PEX26: variants seen among roughly 807,000 people sequenced by gnomAD.
PEX26 encodes the protein peroxisomal biogenesis factor 26, also known as peroxisome assembly protein 26.
Under a neutral mutation model 31.4 loss-of-function variants are expected in PEX26, and 18 were observed. That is an observed-to-expected ratio of 0.57 (90% CI 0.40 to 0.85). The LOEUF (loss-of-function observed/expected upper bound fraction) is 0.85. PEX26 is among the 40% of genes least tolerant of loss of function. The pLI, the probability that PEX26 is intolerant of heterozygous loss-of-function variation, is 0.00. For missense variants in PEX26, 377 were observed against 383.9 expected (o/e 0.98, Z 0.15); for synonymous variants, 176 against 166.9 (o/e 1.05, Z -0.42).
rs1927445961 is a variant in PEX26, at chr22:18,101,355, T to G, written c.*13280T>G. The G allele has an allele frequency of 6.6e-6, 1 of 151,852 alleles. No homozygotes were observed. The highest frequency in any genetic ancestry group is 2.4e-5 in the African/African-American group (1 of 41,328). The allele number at this position is 151,852 out of a possible 1,614,324, so 9.4% of individuals were successfully genotyped here. ...GTAACATCCTAGATAATAGTCCCAG[T>G]CAAAAACCCCATTGAGGTTGAAGGA... is the stretch of plus-strand genomic sequence containing the variant. On this transcript the variant is annotated 3_prime_UTR_variant, in exon 5 of 5. Transcript: ENST00000399744.
Position 18,078,268 on chromosome 22 carries a change from G to A in PEX26, c.-109G>A. The A allele has an allele frequency of 1.2e-6, 1 of 815,128 alleles. No individual in the cohort carries two copies. 50.5% of individuals were successfully genotyped at this position (815,128 alleles called of 1,614,324 possible). On this transcript the variant is annotated 5_prime_UTR_variant, in exon 1 of 5. Coordinates refer to ENST00000399744, the MANE Select transcript of PEX26 (RefSeq NM_001127649.3). ...GACCTCGGGAAGGGGTGTGGGCAAA[G>A]AGATGAGGACTCTCCCTCTTCGCCC... is the stretch of plus-strand genomic sequence containing the variant.
At chr22:18,084,237 C>CTTTTTTTTTTTTTTTTTT (rs362041) in intron 3 of PEX26, among the ~76,000 whole-genome samples, 2 of 95,320 alleles carry the variant, frequency 2.1e-5, no homozygotes, top group African/African-American at 3.9e-5. Context: ...ATCTCTCTCT[C>CTTTTTTTTTTTTTTTTTT]TTTTTTTTTT....
Position 18,088,159 on chromosome 22 carries a change from C to G in PEX26, c.*84C>G. 2.1e-6 allele frequency: 2 copies of G among 947,544 alleles called. No homozygotes were observed. Among genetic ancestry groups the G allele is most frequent in the Non-Finnish European group, 3.4e-6 (2 of 581,342 alleles). 58.7% of individuals were successfully genotyped at this position (947,544 alleles called of 1,614,324 possible). ...GACAGAGCGACACATCCACAGGCGCCCCTGGGGAAATGGGACCAGCCTAAT... is the reference window on the plus strand; with the variant it reads ...GACAGAGCGACACATCCACAGGCGCGCCTGGGGAAATGGGACCAGCCTAAT... On this transcript the variant is annotated 3_prime_UTR_variant, in exon 5 of 5. Coordinates refer to ENST00000399744, the MANE Select transcript of PEX26 (RefSeq NM_001127649.3). This position sits in a 1 kb window ranked among gnomAD's most constrained non-coding sequence, Gnocchi z 4.1.
At chr22:18,085,060 G>A (rs1296920410) in intron 3 of PEX26, 52 bp from the exon 4 acceptor site, 3 of 1,606,824 alleles carry the variant, frequency 1.9e-6, no homozygotes, top group Non-Finnish European at 1.7e-6. Flanking sequence ...TCGGGGTCAG[G>A]GAAGCTGATT....
In PEX26 at chr22:18,089,406, T is replaced by C. The variant is rs1926984579; in HGVS notation, c.*1331T>C. On this transcript the variant is annotated 3_prime_UTR_variant, in exon 5 of 5. Transcript: ENST00000399744. ...TTTGAAGGCAGTGAACAATAAAACC[T>C]TAGGGAGGTGGCACCGAGGCCTTAG... 6.5e-6 allele frequency: 1 copy of C among 152,680 alleles called. No homozygotes were observed. The highest frequency in any genetic ancestry group is 1.5e-5 in the Non-Finnish European group (1 of 68,090). 9.5% of individuals were successfully genotyped at this position (152,680 alleles called of 1,614,324 possible).
intron 2 of PEX26, among the ~76,000 whole-genome samples, chr22:18,082,994 G>A (rs963941416): frequency 6.6e-6 from 1 of 152,058 alleles, no homozygotes; most frequent in Non-Finnish European, 1.5e-5. Flanking sequence ...TTTTCCAATG[G>A]TTCACTGTCA....
At chr22:18,081,243 TATACAC>T (rs1421050974) in intron 2 of PEX26, among the ~76,000 whole-genome samples, 2,822 of 62,444 alleles carry the variant, frequency 0.045, 95 homozygotes, top group African/African-American at 0.12. Flanking sequence ...TATGTACACA[TATACAC>T]ACACACACAC....
Position 18,083,615 on chromosome 22 carries a change from T to C in PEX26, c.550T>C (p.Ser184Pro). Residue 184 changes from serine to proline, a missense_variant, in exon 3 of 5, where the codon TCT becomes CCT. By Grantham distance (74) the Ser-to-Pro change is moderately conservative. Transcript: ENST00000399744. ...LSEAEELVVG[S>P]AAFGEERRLD... ...GGAGGCTGAGGAGCTAGTGGTGGGC[T>C]CTGCAGCCTTTGGTGAGGAGCGGCG... 1 of 1,614,064 alleles carries C rather than the reference T, an allele frequency of 6.2e-7. No individual in the cohort carries two copies. The highest frequency in any genetic ancestry group is 8.5e-7 in the Non-Finnish European group (1 of 1,180,004).
In PEX26 at chr22:18,078,107, G is replaced by C. The variant is rs1467256229; in HGVS notation, c.-270G>C. 1 of 626,072 alleles carries C rather than the reference G, an allele frequency of 1.6e-6. No homozygotes were observed. Among genetic ancestry groups the C allele is most frequent in the Admixed American group, 2.1e-5 (1 of 47,564 alleles). 38.8% of individuals were successfully genotyped at this position (626,072 alleles called of 1,614,324 possible). On this transcript the variant is annotated 5_prime_UTR_variant, in exon 1 of 5. Transcript: ENST00000399744. ...GAGGCAGTTCCTGCACGTGTCGCGGGGCCGGAGAAGCTAGGGCCAGGTATT... is the reference window on the plus strand; with the variant it reads ...GAGGCAGTTCCTGCACGTGTCGCGGCGCCGGAGAAGCTAGGGCCAGGTATT...
intron 2 of PEX26, among the ~76,000 whole-genome samples, chr22:18,081,936 C>T (rs1032397257): frequency 6.6e-6 from 1 of 152,080 alleles, no homozygotes. Context: ...GGTAGTGTCT[C>T]ATTGTGGTTT....
chr22:18,093,769 GT>G lies in PEX26; in HGVS notation c.*5695del, dbSNP rs1927204780. On this transcript the variant is annotated 3_prime_UTR_variant, in exon 5 of 5. Coordinates refer to ENST00000399744, the MANE Select transcript of PEX26 (RefSeq NM_001127649.3). ...GACCCCATTTCTATTAAAAATAAATGTAAACACCCAACCCTCTTGGCAGCCC... is the reference window on the plus strand; with the variant it reads ...GACCCCATTTCTATTAAAAATAAATGAAACACCCAACCCTCTTGGCAGCCC... 6.6e-6 allele frequency: 1 copy of G among 152,158 alleles called. No homozygotes were observed. Among genetic ancestry groups the G allele is most frequent in the East Asian group, 1.9e-4 (1 of 5,200 alleles). The allele number at this position is 152,158 out of a possible 1,614,324, so 9.4% of individuals were successfully genotyped here. A position where few individuals can be genotyped will look rare whatever the true frequency, so the allele number is the denominator to read the frequency against.
At position 18,089,194 on chromosome 22, in the gene PEX26, C is replaced by G. The variant is rs1399630125; in HGVS notation, c.*1119C>G. 6.5e-6 allele frequency: 1 copy of G among 152,740 alleles called. No homozygotes were observed. The highest frequency in any genetic ancestry group is 2.4e-5 in the African/African-American group (1 of 41,430). The allele number at this position is 152,740 out of a possible 1,614,324, so 9.5% of individuals were successfully genotyped here. A position where few individuals can be genotyped will look rare whatever the true frequency, so the allele number is the denominator to read the frequency against. ...CTTGCCTCCTTGGTACACACCATTT[C>G]AGGTTCTTCCCTTTCTGTGTCCCAT... On this transcript the variant is annotated 3_prime_UTR_variant, in exon 5 of 5. Transcript: ENST00000399744.
In PEX26 at chr22:18,093,476, T is replaced by G. The variant is rs1802077759; in HGVS notation, c.*5401T>G. ...TACTCGGGAGGCTGAGGCAGAAGAA[T>G]GGCGTGAACCCAGGAGGCGGAGCTT... is the stretch of plus-strand genomic sequence containing the variant. On this transcript the variant is annotated 3_prime_UTR_variant, in exon 5 of 5. Transcript: ENST00000399744. 6.6e-6 allele frequency: 1 copy of G among 150,484 alleles called. No homozygotes were observed. Among genetic ancestry groups the G allele is most frequent in the South Asian group, 2.1e-4 (1 of 4,758 alleles). The allele number at this position is 150,484 out of a possible 1,614,324, so 9.3% of individuals were successfully genotyped here. A position where few individuals can be genotyped will look rare whatever the true frequency, so the allele number is the denominator to read the frequency against.
At position 18,093,586 on chromosome 22, in the gene PEX26, A is replaced by G. The variant is rs1363567613; in HGVS notation, c.*5511A>G. The G allele has an allele frequency of 6.6e-6, 1 of 151,888 alleles. No individual in the cohort carries two copies. Among genetic ancestry groups the G allele is most frequent in the African/African-American group, 2.4e-5 (1 of 41,330 alleles). The allele number at this position is 151,888 out of a possible 1,614,324, so 9.4% of individuals were successfully genotyped here. A position where few individuals can be genotyped will look rare whatever the true frequency, so the allele number is the denominator to read the frequency against. On this transcript the variant is annotated 3_prime_UTR_variant, in exon 5 of 5. Transcript: ENST00000399744. ...TTAAAAAAAAAAAAAACAAAAATAA[A>G]CCTTTTAAATAAAGTGGTTACATTC...
chr22:18,096,113 C>T lies in PEX26; in HGVS notation c.*8038C>T, dbSNP rs1384260960. The T allele has an allele frequency of 6.6e-6, 1 of 152,296 alleles. No individual in the cohort carries two copies. The highest frequency in any genetic ancestry group is 1.5e-5 in the Non-Finnish European group (1 of 68,108). The allele number at this position is 152,296 out of a possible 1,614,324, so 9.4% of individuals were successfully genotyped here. A position where few individuals can be genotyped will look rare whatever the true frequency, so the allele number is the denominator to read the frequency against. ...TTGGGAATACAGGCATGAGCCACCACACCCGGCCTGAGTTTGTATCTTGAC... is the reference window on the plus strand; with the variant it reads ...TTGGGAATACAGGCATGAGCCACCATACCCGGCCTGAGTTTGTATCTTGAC... On this transcript the variant is annotated 3_prime_UTR_variant, in exon 5 of 5. Transcript: ENST00000399744.
At position 18,093,573 on chromosome 22, in the gene PEX26, A is replaced by C. The variant is rs956624640; in HGVS notation, c.*5498A>C. On this transcript the variant is annotated 3_prime_UTR_variant, in exon 5 of 5. Transcript: ENST00000399744. ...GCAAGACTCCGTCTTAAAAAAAAAAAAAACAAAAATAAACCTTTTAAATAA... is the reference window on the plus strand; with the variant it reads ...GCAAGACTCCGTCTTAAAAAAAAAACAAACAAAAATAAACCTTTTAAATAA... 2.6e-5 allele frequency: 4 copies of C among 151,110 alleles called. No individual in the cohort carries two copies. The highest frequency in any genetic ancestry group is 7.3e-5 in the African/African-American group (3 of 41,062). 9.4% of individuals were successfully genotyped at this position (151,110 alleles called of 1,614,324 possible). A position where few individuals can be genotyped will look rare whatever the true frequency, so the allele number is the denominator to read the frequency against.
chr22:18,079,797 G>T, intron 1 of PEX26, 77 bp from the exon 2 acceptor site: 1 of 1,529,450 alleles, frequency 6.5e-7, no homozygotes, highest in Non-Finnish European at 9.1e-7. Flanking sequence ...AGCTGGAGAG[G>T]AACAGTCCCA....
At chr22:18,083,374 A>G (rs1353151755) in intron 2 of PEX26, 63 bp from the exon 3 acceptor site, 9 of 1,537,414 alleles carry the variant, frequency 5.9e-6, no homozygotes, top group Non-Finnish European at 1.8e-6. Flanking sequence ...GGTCATGGGA[A>G]ATGAACCAAT....
Position 18,085,109 on chromosome 22 carries a change from C to G in PEX26, c.668-3C>G, listed in dbSNP as rs1926786943. 3.1e-6 allele frequency: 5 copies of G among 1,613,874 alleles called. No homozygotes were observed. In the Admixed American group the frequency reaches 8.3e-5, roughly 27 times the overall value. The stretch of plus-strand genomic sequence containing the variant: ...TGAAGCTGTGCTCTGTCTCCCTGGC[C>G]AGGCTCTGTCTCCCACAAGTTCCTG... On this transcript the variant is annotated splice_region_variant and splice_polypyrimidine_tract_variant and intron_variant, in intron 3 of 4. Transcript: ENST00000399744.
Sources: allele counts gnomAD v4.1 joint callset (sites outside exome capture counted in the v4.1 genomes callset), GRCh38; gene constraint gnomAD v4.1.1; non-coding constraint Gnocchi (gnomAD v3.1); transcripts MANE v1.5; gene names NCBI Gene and HGNC (gene_info 2026-07-23, HGNC 2026-07-21).